GFPT2: variants seen among roughly 807,000 people sequenced by gnomAD.
GFPT2 encodes the protein glutamine--fructose-6-phosphate aminotransferase [isomerizing] 2.
In GFPT2, 62 loss-of-function variants were observed where a neutral mutation model predicts 85.6. The ratio of observed to expected loss-of-function variants is 0.72; its 90% CI spans 0.59 to 0.90. The LOEUF (loss-of-function observed/expected upper bound fraction) is 0.90. GFPT2 is among the 40% of genes least tolerant of loss of function. The pLI, the probability that GFPT2 is intolerant of heterozygous loss-of-function variation, is 0.00. For missense variants in GFPT2, 788 were observed against 893.4 expected (o/e 0.88, Z 1.50); for synonymous variants, 368 against 344.5 (o/e 1.07, Z -0.75).
chr5:180,330,708 G>A lies in GFPT2; in HGVS notation c.526C>T (p.Gln176Ter), dbSNP rs562919953. ...TGGGATTTGTAACTCACCAACTGCT[G>A]AATGACTCTCTCGACCAACGTTGAA... ...TFSTLVERVI[Q>*]QLEGAFALVF... The change falls in exon 6 of 19, where the codon CAG (glutamine) becomes TAG (stop). Residue 176 changes from glutamine (Q) to a stop codon, truncating the protein, a stop_gained. Coordinates refer to ENST00000253778, the MANE Select transcript of GFPT2 (RefSeq NM_005110.4). LOFTEE classifies it high-confidence loss of function. This position sits in a 1 kb window ranked among gnomAD's most constrained non-coding sequence, Gnocchi z 4.4. 7 of 1,612,396 alleles carry A rather than the reference G, an allele frequency of 4.3e-6. No individual in the cohort carries two copies. The South Asian group carries it at 7.7e-5, about 18-fold the overall frequency.
At chr5:180,326,451 C>T (rs973303754) in intron 7 of GFPT2, among the ~76,000 whole-genome samples, 1 of 152,078 alleles carries the variant, frequency 6.6e-6, no homozygotes, top group African/African-American at 2.4e-5. Context: ...CACATATATC[C>T]ATAATCTGTT....
At chr5:180,305,824 G>A (rs1040678780) in intron 16 of GFPT2, among the ~76,000 whole-genome samples, 1 of 152,328 alleles carries the variant, frequency 6.6e-6, no homozygotes, top group African/African-American at 2.4e-5. Context: ...GCACCTGCCT[G>A]TTCTTTAACA....
chr5:180,333,395 T>C (rs1561881151), intron 4 of GFPT2, among the ~76,000 whole-genome samples: 1 of 152,118 alleles, frequency 6.6e-6, no homozygotes, highest in Non-Finnish European at 1.5e-5. Flanking sequence ...CCACCATGCC[T>C]GGCTAATTTT....
chr5:180,352,780 G>C (rs949513463), intron 1 of GFPT2: 1 of 312,044 alleles, frequency 3.2e-6, no homozygotes, highest in Non-Finnish European at 6.1e-6. Context: ...GCGGCGGGCT[G>C]AGTCGGGATG....
At chr5:180,331,722 A>G in intron 4 of GFPT2, 169 bp from the exon 5 acceptor site, 2 of 644,502 alleles carry the variant, frequency 3.1e-6, no homozygotes, top group Non-Finnish European at 2.8e-6. Context: ...CAGCAACTAC[A>G]GTGGAACCAG....
chr5:180,313,511 A>AC (rs947148363), intron 14 of GFPT2, among the ~76,000 whole-genome samples: 6 of 151,188 alleles, frequency 4.0e-5, no homozygotes, highest in Non-Finnish European at 7.4e-5. Context: ...AATGGCGTGA[A>AC]CCCGGGAGGC....
In GFPT2 at chr5:180,318,741, C is replaced by T; in HGVS notation, c.958+52G>A. On this transcript the variant is annotated intron_variant, in intron 10 of 18. Coordinates refer to ENST00000253778, the MANE Select transcript of GFPT2 (RefSeq NM_005110.4). This position sits in a 1 kb window ranked among gnomAD's most constrained non-coding sequence, Gnocchi z 4.2. The stretch of plus-strand genomic sequence containing the variant: ...CCAGGCAGAGTGTCAGGAGCTCCAC[C>T]AGGCGCGCTGGCTCCCGAGGCTGCC... 1 of 1,518,480 alleles carries T rather than the reference C, an allele frequency of 6.6e-7. No homozygotes were observed. Among genetic ancestry groups the T allele is most frequent in the South Asian group, 1.1e-5 (1 of 87,634 alleles). 94.1% of individuals were successfully genotyped at this position (1,518,480 alleles called of 1,614,324 possible).
At chr5:180,306,687 T>C (rs1763783529) in intron 16 of GFPT2, among the ~76,000 whole-genome samples, 2 of 152,196 alleles carry the variant, frequency 1.3e-5, no homozygotes, top group African/African-American at 4.8e-5. Context: ...ACAAGGAAAC[T>C]CTGCGGAGAA....
At chr5:180,326,358 A>C (rs1422865304) in intron 7 of GFPT2, among the ~76,000 whole-genome samples, 2 of 151,318 alleles carry the variant, frequency 1.3e-5, no homozygotes, top group African/African-American at 4.8e-5. Flanking sequence ...AATACAATCC[A>C]GTAACATTTT....
intron 1 of GFPT2, among the ~76,000 whole-genome samples, chr5:180,347,816 C>T (rs537376211): frequency 1.3e-5 from 2 of 151,640 alleles, no homozygotes; most frequent in East Asian, 2.0e-4. Flanking sequence ...GAGTGCTGAG[C>T]GTGGGGGTGG....
At chr5:180,315,934 A>G (rs555582191) in intron 13 of GFPT2, among the ~76,000 whole-genome samples, 64 of 152,360 alleles carry the variant, frequency 4.2e-4, no homozygotes, top group Non-Finnish European at 7.5e-4. Context: ...TTGGGCACAG[A>G]GCCCATACTG....
chr5:180,306,467 G>A (rs1297407470), intron 16 of GFPT2, among the ~76,000 whole-genome samples: 4 of 152,262 alleles, frequency 2.6e-5, no homozygotes, highest in Non-Finnish European at 4.4e-5. Context: ...GGGCAAGTCC[G>A]AGATGCAGGA....
Position 180,331,078 on chromosome 5 carries a change from A to G in GFPT2, c.400-244T>C, listed in dbSNP as rs1764292042. ...CCACTAATCTGGACATTGCAAAATA[A>G]CAGCAGTCAAAATGATAAAATACGT... On this transcript the variant is annotated intron_variant, in intron 5 of 18. Transcript: ENST00000253778. 5 of 547,566 alleles carry G rather than the reference A, an allele frequency of 9.1e-6. No homozygotes were observed. In the Admixed American group the frequency reaches 1.4e-4, roughly 16 times the overall value. 33.9% of individuals were successfully genotyped at this position (547,566 alleles called of 1,614,324 possible). A position where few individuals can be genotyped will look rare whatever the true frequency, so the allele number is the denominator to read the frequency against.
chr5:180,331,674 C>T, intron 4 of GFPT2, 121 bp from the exon 5 acceptor site: 1 of 705,688 alleles, frequency 1.4e-6, no homozygotes, highest in Non-Finnish European at 2.6e-6. Context: ...TTCTGTTAAG[C>T]ACACTTTGTT....
At chr5:180,313,732 C>T in intron 14 of GFPT2, 75 bp downstream of exon 14, 1 of 1,348,486 alleles carries the variant, frequency 7.4e-7, no homozygotes, top group Non-Finnish European at 1.0e-6. Context: ...GCAGAGCAGG[C>T]CGGAGGAGGG....
intron 9 of GFPT2, among the ~76,000 whole-genome samples, chr5:180,322,133 G>A (rs985334868): frequency 1.3e-5 from 2 of 152,156 alleles, no homozygotes; most frequent in Non-Finnish European, 2.9e-5. Context: ...AATTTGGGTA[G>A]AGTCAATATT....
chr5:180,345,589 C>T (rs1279817860), intron 1 of GFPT2, among the ~76,000 whole-genome samples: 2 of 152,398 alleles, frequency 1.3e-5, no homozygotes, highest in South Asian at 2.1e-4. Context: ...GGTTATTCCA[C>T]GCTGCACTTG....
At chr5:180,306,087 C>T (rs895707934) in intron 16 of GFPT2, among the ~76,000 whole-genome samples, 4 of 151,444 alleles carry the variant, frequency 2.6e-5, no homozygotes, top group Non-Finnish European at 4.4e-5. Flanking sequence ...TGGATTCAAG[C>T]GATTCTCCTG....
chr5:180,310,707 G>A (rs926258119), intron 15 of GFPT2, among the ~76,000 whole-genome samples: 2 of 151,538 alleles, frequency 1.3e-5, no homozygotes, highest in African/African-American at 4.9e-5. Context: ...CACCGCGCCC[G>A]GCCATCAAGG....
Sources: gnomAD v4.1 joint callset for allele counts (sites outside exome capture counted in the v4.1 genomes callset) on GRCh38, gnomAD v4.1.1 for gene constraint, Gnocchi (gnomAD v3.1) non-coding constraint, MANE v1.5 for transcripts, NCBI Gene and HGNC (gene_info 2026-07-23, HGNC 2026-07-21) for gene names.